The following MYO9A variants were observed in gnomAD, a reference collection of about 807,000 sequenced individuals.
MYO9A encodes the protein myosin IXA, also known as unconventional myosin-IXa.
Under a neutral mutation model 293.3 loss-of-function variants are expected in MYO9A, and 103 were observed. That is an observed-to-expected ratio of 0.35 (90% CI 0.30 to 0.41). The LOEUF is 0.41. Among genes scored for constraint, MYO9A ranks in the 10% least tolerant of loss-of-function variants. The probability of loss-of-function intolerance (pLI) is 1.00; values close to 1 mark genes in which losing one functional copy is unlikely to be tolerated. For missense variants in MYO9A, 2,685 were observed against 3,033.0 expected, an observed-to-expected ratio of 0.89 and a Z score of 2.69; for synonymous variants, 1,001 against 1,035.7, an observed-to-expected ratio of 0.97 and a Z score of 0.64.
chr15:72,083,800 G>A (rs544999561), intron 1 of MYO9A, among the ~76,000 whole-genome samples: 2 of 152,290 alleles, frequency 1.3e-5, no homozygotes, highest in Admixed American at 1.3e-4. Flanking sequence ...CCATGTAATT[G>A]TATGGTTTTG....
At chr15:71,886,574 A>G (rs1002867983) in intron 27 of MYO9A, among the ~76,000 whole-genome samples, 1 of 152,090 alleles carries the variant, frequency 6.6e-6, no homozygotes, top group African/African-American at 2.4e-5. Context: ...TTGTTCTGCT[A>G]TAATTGGGGA....
rs745557239 is a variant in MYO9A, at chr15:71,898,752, G to A, written c.3751C>T (p.Leu1251Phe). 6.2e-7 allele frequency: 1 copy of A among 1,614,002 alleles called. No homozygotes were observed. The highest frequency in any genetic ancestry group is 1.7e-5 in the Admixed American group (1 of 60,008). Reference sequence around the variant, plus strand: ...AAGGATCTGGGTCTCTCTCTTACAAGCACATCTTCCTGCAAGTCCACACCA... The same window carrying A: ...AAGGATCTGGGTCTCTCTCTTACAAACACATCTTCCTGCAAGTCCACACCA... ...QSGVDLQEDV[L>F]VRERPRSLED... Residue 1251 changes from leucine (L) to phenylalanine (F), a missense_variant, in exon 25 of 42, where the codon CTT (leucine) becomes TTT (phenylalanine). Physicochemically the swap from Leu to Phe is conservative, Grantham distance 22. Coordinates refer to ENST00000356056, the MANE Select transcript of MYO9A (RefSeq NM_006901.4).
At chr15:71,867,192 T>C (rs146472360) in intron 32 of MYO9A, among the ~76,000 whole-genome samples, 1 of 152,240 alleles carries the variant, frequency 6.6e-6, no homozygotes, top group Non-Finnish European at 1.5e-5. Flanking sequence ...ATGATGTTGG[T>C]AGCCATTGAT....
chr15:71,886,338 T>C (rs566200350), intron 27 of MYO9A, among the ~76,000 whole-genome samples: 3 of 152,106 alleles, frequency 2.0e-5, no homozygotes, highest in Non-Finnish European at 4.4e-5. Flanking sequence ...TATTCAGGGT[T>C]TTCCCTAAGG....
intron 4 of MYO9A, among the ~76,000 whole-genome samples, chr15:72,023,743 G>T (rs905337241): frequency 1.3e-5 from 2 of 150,920 alleles, no homozygotes; most frequent in Non-Finnish European, 3.0e-5. Flanking sequence ...TATACTGGGG[G>T]TTCTAAAAGG....
chr15:71,962,954 C>G (rs184096778), intron 13 of MYO9A, among the ~76,000 whole-genome samples: 2 of 152,344 alleles, frequency 1.3e-5, no homozygotes, highest in East Asian at 3.9e-4. Flanking sequence ...CAAAATCTCT[C>G]TCTAGTTTCC....
intron 1 of MYO9A, among the ~76,000 whole-genome samples, chr15:72,065,188 A>G (rs1172297291): frequency 6.6e-6 from 1 of 152,200 alleles, no homozygotes; most frequent in Non-Finnish European, 1.5e-5. Context: ...ATGAAAGGTA[A>G]TAAAATTAAC....
At chr15:72,088,004 G>GT (rs2079795713) in intron 1 of MYO9A, among the ~76,000 whole-genome samples, 1 of 152,100 alleles carries the variant, frequency 6.6e-6, no homozygotes, top group Non-Finnish European at 1.5e-5. Flanking sequence ...GGGTGTCCTT[G>GT]TAAGAAGAGA....
chr15:71,837,875 AATT>A (rs1387913682), intron 39 of MYO9A, among the ~76,000 whole-genome samples: 1 of 152,118 alleles, frequency 6.6e-6, no homozygotes, highest in East Asian at 1.9e-4. Flanking sequence ...AAATACACTA[AATT>A]ATTAACAGTA....
At position 71,872,598 on chromosome 15, in the gene MYO9A, T is replaced by C. The variant is rs969425675; in HGVS notation, c.5979+3193A>G. 1.3e-5 allele frequency among the ~76,000 whole-genome samples: 2 copies of C among 152,134 alleles called. 1 individual carries two copies. The highest frequency in any genetic ancestry group is 1.3e-4 in the Admixed American group (2 of 15,278). ...ATGTACCCCCAAAATATGTAAAATA[T>C]ATATCAATTTAAAAATTACTTTATT... is the stretch of plus-strand genomic sequence containing the variant. On this transcript the variant is annotated intron_variant, in intron 32 of 41. Transcript: ENST00000356056.
rs575450195 is a variant in MYO9A, at chr15:71,887,210, A to G, written c.5255+794T>C. Reference sequence around the variant, plus strand: ...TCATTCTCTTTTACAACAAAATACCATAAGTCATGTAACAATTTGGAGACT... The same window carrying G: ...TCATTCTCTTTTACAACAAAATACCGTAAGTCATGTAACAATTTGGAGACT... On this transcript the variant is annotated intron_variant, in intron 27 of 41. Coordinates refer to ENST00000356056, the MANE Select transcript of MYO9A (RefSeq NM_006901.4). Among the ~76,000 whole-genome samples the G allele has an allele frequency of 4.6e-5, 7 of 152,122 alleles. No homozygotes were observed. The South Asian group carries it at 6.2e-4, about 14-fold the overall frequency.
At chr15:71,928,047 TATATA>T in intron 18 of MYO9A, among the ~76,000 whole-genome samples, 2 of 11,276 alleles carry the variant, frequency 1.8e-4, no homozygotes, top group Non-Finnish European at 4.8e-4. Context: ...TATATATATA[TATATA>T]TATATTTTTT....
intron 7 of MYO9A, among the ~76,000 whole-genome samples, chr15:72,008,816 C>T (rs1312274629): frequency 2.0e-5 from 3 of 152,094 alleles, no homozygotes; most frequent in Non-Finnish European, 2.9e-5. Flanking sequence ...TATATATATA[C>T]AGCTTTGTGT....
At chr15:72,043,660 GCA>G (rs2078293505) in intron 2 of MYO9A, among the ~76,000 whole-genome samples, 1 of 152,172 alleles carries the variant, frequency 6.6e-6, no homozygotes, top group Non-Finnish European at 1.5e-5. Flanking sequence ...GTGACAGAAA[GCA>G]CTTAACTGGT....
Position 71,826,537 on chromosome 15 carries a change from T to C in MYO9A, c.*43A>G, listed in dbSNP as rs767133319. 1 of 1,519,572 alleles carries C rather than the reference T, an allele frequency of 6.6e-7. No homozygotes were observed. Among genetic ancestry groups the C allele is most frequent in the South Asian group, 1.3e-5 (1 of 75,484 alleles). The allele number at this position is 1,519,572 out of a possible 1,614,324, so 94.1% of individuals were successfully genotyped here. Reference sequence around the variant, plus strand: ...GAAACGCAGCCCCAAAGGTGAGATTTGTTTACCACTCTGTAGCCACGGAGG... The same window carrying C: ...GAAACGCAGCCCCAAAGGTGAGATTCGTTTACCACTCTGTAGCCACGGAGG... On this transcript the variant is annotated 3_prime_UTR_variant, in exon 42 of 42. Coordinates refer to ENST00000356056, the MANE Select transcript of MYO9A (RefSeq NM_006901.4).
intron 1 of MYO9A, among the ~76,000 whole-genome samples, chr15:72,051,304 T>C (rs936921271): frequency 2.0e-5 from 3 of 152,152 alleles, no homozygotes; most frequent in Non-Finnish European, 4.4e-5. Context: ...GCGTGCTCCA[T>C]GGAGGCAGCA....
At chr15:71,979,434 A>G (rs2147881812) in intron 11 of MYO9A, among the ~76,000 whole-genome samples, 1 of 152,236 alleles carries the variant, frequency 6.6e-6, no homozygotes, top group Non-Finnish European at 1.5e-5. Context: ...ATCTCTTCCC[A>G]AGGACTATCC....
intron 32 of MYO9A, among the ~76,000 whole-genome samples, chr15:71,864,532 C>T (rs2056258872): frequency 6.6e-6 from 1 of 152,286 alleles, no homozygotes; most frequent in Admixed American, 6.5e-5. Flanking sequence ...CTGTACGTAA[C>T]TGTTCATAGT....
intron 11 of MYO9A, among the ~76,000 whole-genome samples, chr15:71,986,380 C>T (rs1220626856): frequency 5.3e-5 from 8 of 152,310 alleles, no homozygotes; most frequent in Non-Finnish European, 1.2e-4. Context: ...TCAGAAACCT[C>T]TTTGGGTCTG....
Sources: allele counts gnomAD v4.1 joint callset (sites outside exome capture counted in the v4.1 genomes callset), GRCh38; gene constraint gnomAD v4.1.1; transcripts MANE v1.5; gene names NCBI Gene and HGNC (gene_info 2026-07-23, HGNC 2026-07-21).